Variants in RNLS observed in about 807,000 individuals in gnomAD.
RNLS encodes renalase.
In RNLS, 39 loss-of-function variants were observed where a neutral mutation model predicts 39.8. The observed-to-expected ratio is 0.98, with a 90% CI of 0.76 to 1.28. The LOEUF (loss-of-function observed/expected upper bound fraction) is 1.28. RNLS is among the 50% of genes most tolerant of loss of function. The pLI, the probability that RNLS is intolerant of heterozygous loss-of-function variation, is 0.00. For synonymous variants in RNLS, 147 were observed against 150.7 expected (o/e 0.98, Z 0.18); for missense variants, 410 against 413.3 (o/e 0.99, Z 0.07).
At chr10:88,497,360 C>G (rs561961860) in intron 4 of RNLS, among the ~76,000 whole-genome samples, 1 of 152,060 alleles carries the variant, frequency 6.6e-6, no homozygotes, top group East Asian at 1.9e-4. Flanking sequence ...CTTCAGATTA[C>G]AGTAGCCCTC....
chr10:88,418,390 C>CACTATAATACA (rs1854170220), intron 4 of RNLS, among the ~76,000 whole-genome samples: 1 of 152,156 alleles, frequency 6.6e-6, no homozygotes, highest in African/African-American at 2.4e-5. Flanking sequence ...GGGCTCTGCT[C>CACTATAATACA]ACTATAATAC....
At chr10:88,391,253 A>C (rs1589714122) in intron 4 of RNLS, among the ~76,000 whole-genome samples, 1 of 152,310 alleles carries the variant, frequency 6.6e-6, no homozygotes, top group Non-Finnish European at 1.5e-5. Context: ...CAATCATATT[A>C]GTAATTTTAA....
chr10:88,252,310 G>T, the RNLS span, among the ~76,000 whole-genome samples: 1 of 152,134 alleles, frequency 6.6e-6, no homozygotes, highest in Non-Finnish European at 1.5e-5. Flanking sequence ...AAACGCTGGT[G>T]GTTCTCTAAG....
At chr10:88,237,136 T>G in the RNLS span, among the ~76,000 whole-genome samples, 131 of 152,300 alleles carry the variant, frequency 8.6e-4, no homozygotes, top group Middle Eastern at 3.4e-3. Context: ...TTTTTTCTTT[T>G]AAATTTCCTA....
chr10:88,275,006 T>C (rs1554848053), exon 7 of RNLS: 1 of 1,613,322 alleles, frequency 6.2e-7, no homozygotes, highest in South Asian at 1.1e-5. Context: ...TCTTCGCACA[T>C]CCTAGAATCA....
the RNLS span, among the ~76,000 whole-genome samples, chr10:88,188,272 G>C: frequency 1.3e-5 from 2 of 152,162 alleles, no homozygotes; most frequent in African/African-American, 4.8e-5. Flanking sequence ...TGCCAGGCTA[G>C]CCTCAAACTC....
chr10:88,214,511 A>C, the RNLS span, among the ~76,000 whole-genome samples: 1 of 151,686 alleles, frequency 6.6e-6, no homozygotes, highest in Non-Finnish European at 1.5e-5. Context: ...AAAAAAAAAA[A>C]AAAAAAAAAA....
At chr10:88,285,880 G>A (rs1269539935) in intron 6 of RNLS, among the ~76,000 whole-genome samples, 4 of 152,036 alleles carry the variant, frequency 2.6e-5, no homozygotes, top group East Asian at 3.9e-4. Flanking sequence ...GGCATTTTGG[G>A]AGGTGATTAG....
chr10:88,212,407 C>G, the RNLS span, among the ~76,000 whole-genome samples: 1 of 152,184 alleles, frequency 6.6e-6, no homozygotes, highest in Non-Finnish European at 1.5e-5. Flanking sequence ...TGATCTTGCT[C>G]TCCTTCTAAA....
At chr10:88,414,434 G>C (rs1853889661) in intron 4 of RNLS, among the ~76,000 whole-genome samples, 1 of 152,122 alleles carries the variant, frequency 6.6e-6, no homozygotes, top group Non-Finnish European at 1.5e-5. Context: ...TTCTATGTGT[G>C]TGTATATATA....
In RNLS at chr10:88,474,679, C is replaced by T. The variant is rs138486335; in HGVS notation, c.526+98224G>A. On this transcript the variant is annotated intron_variant, in intron 4 of 6. Coordinates refer to ENST00000331772, the MANE Select transcript of RNLS (RefSeq NM_001031709.3). ...GACCTGGGCTCTGTTCCAGCCCTGT[C>T]AATAGTGTCTCTGTGTAGCAAATTG... Among the ~76,000 whole-genome samples, 816 of 152,230 alleles carry T rather than the reference C, an allele frequency of 5.4e-3. 6 individuals are homozygous for T. The highest frequency in any genetic ancestry group is 8.0e-3 in the Non-Finnish European group (544 of 68,016).
the RNLS span, among the ~76,000 whole-genome samples, chr10:88,203,710 A>G: frequency 5.3e-5 from 8 of 150,454 alleles, no homozygotes; most frequent in African/African-American, 1.9e-4. Context: ...GTTGCCTTAG[A>G]TTTATTTTAC....
At chr10:88,450,423 C>A (rs1403187237) in intron 4 of RNLS, among the ~76,000 whole-genome samples, 2 of 152,214 alleles carry the variant, frequency 1.3e-5, no homozygotes, top group East Asian at 3.8e-4. Context: ...AATCTCAGGT[C>A]AGACTCACAG....
chr10:88,198,865 C>T, the RNLS span, among the ~76,000 whole-genome samples: 2 of 152,066 alleles, frequency 1.3e-5, no homozygotes, highest in East Asian at 3.9e-4. Flanking sequence ...AAGAACAAAC[C>T]AATACACCTT....
the RNLS span, among the ~76,000 whole-genome samples, chr10:88,172,203 T>C: frequency 2.6e-5 from 4 of 152,230 alleles, no homozygotes; most frequent in African/African-American, 2.4e-5. Flanking sequence ...AGTGGAATTG[T>C]TGAATGATAC....
chr10:88,243,741 C>T, the RNLS span, among the ~76,000 whole-genome samples: 1 of 152,238 alleles, frequency 6.6e-6, no homozygotes, highest in Non-Finnish European at 1.5e-5. Context: ...GCCAGCAGCT[C>T]TTTAACGGAC....
intron 5 of RNLS, among the ~76,000 whole-genome samples, chr10:88,330,147 ATCTC>A (rs1847006169): frequency 2.0e-5 from 3 of 148,216 alleles, no homozygotes; most frequent in South Asian, 4.2e-4. Flanking sequence ...ATTTTATATT[ATCTC>A]TCTCTATATA....
At chr10:88,241,768 C>G in the RNLS span, among the ~76,000 whole-genome samples, 1 of 152,226 alleles carries the variant, frequency 6.6e-6, no homozygotes, top group Non-Finnish European at 1.5e-5. Context: ...CTGTTCTCCC[C>G]TCCGGCAATA....
intron 5 of RNLS, among the ~76,000 whole-genome samples, chr10:88,327,374 C>T (rs1846698457): frequency 6.6e-6 from 1 of 152,150 alleles, no homozygotes; most frequent in Non-Finnish European, 1.5e-5. Context: ...GTTTCCCCTA[C>T]ACTGTTTTTG....
Sources: allele counts gnomAD v4.1 joint callset (sites outside exome capture counted in the v4.1 genomes callset), GRCh38; gene constraint gnomAD v4.1.1; transcripts MANE v1.5; gene names NCBI Gene and HGNC (gene_info 2026-07-23, HGNC 2026-07-21).